The following TSC22D2 variants were observed in gnomAD, a reference collection of about 807,000 sequenced individuals.
The protein encoded by TSC22D2 is TSC22 domain family protein 2.
Under a neutral mutation model 50.1 loss-of-function variants are expected in TSC22D2, and 5 were observed. The observed-to-expected ratio is 0.10, with a 90% CI of 0.05 to 0.21. The LOEUF (loss-of-function observed/expected upper bound fraction) is 0.21, where lower values mean the gene tolerates loss of function less well. Ranked by LOEUF, TSC22D2 falls within the 10% of genes least tolerant of loss-of-function variation. The pLI is 1.00. For missense variants in TSC22D2, 1,003 were observed against 1,015.5 expected, an observed-to-expected ratio of 0.99 and a Z score of 0.17; for synonymous variants, 501 against 450.1, an observed-to-expected ratio of 1.11 and a Z score of -1.43.
In TSC22D2 at chr3:150,411,114, C is replaced by T. The variant is rs749578070; in HGVS notation, c.1764C>T (p.Val588=). Residue 588 remains valine, a synonymous_variant, in exon 1 of 3, where the codon GTC becomes GTT. Coordinates refer to ENST00000688009, the MANE Select transcript of TSC22D2 (RefSeq NM_001303264.2). The part of the protein sequence containing the change: ...SQFQTQTQPL[V]GQVDDTRRKS... ...TTCAAACTCAGACCCAGCCTTTAGT[C>T]GGGCAAGTCGACGATACTAGAAGAA... is the stretch of plus-strand genomic sequence containing the variant. The T allele has an allele frequency of 6.2e-7, 1 of 1,614,104 alleles. No individual in the cohort carries two copies. The highest frequency in any genetic ancestry group is 1.7e-5 in the Admixed American group (1 of 60,020).
At chr3:150,432,598 TAATA>T (rs1486294116) in intron 1 of TSC22D2, among the ~76,000 whole-genome samples, 4 of 151,298 alleles carry the variant, frequency 2.6e-5, no homozygotes, top group African/African-American at 9.7e-5. Context: ...AAAAAAAAAA[TAATA>T]AATAACTGAA....
At position 150,461,046 on chromosome 3, in the gene TSC22D2, A is replaced by G. The variant is rs947492073; in HGVS notation, c.*2410A>G. 3.3e-5 allele frequency: 5 copies of G among 152,324 alleles called. No homozygotes were observed. Among genetic ancestry groups the G allele is most frequent in the East Asian group, 3.9e-4 (2 of 5,190 alleles). The allele number at this position is 152,324 out of a possible 1,614,324, so 9.4% of individuals were successfully genotyped here. A position where few individuals can be genotyped will look rare whatever the true frequency, so the allele number is the denominator to read the frequency against. On this transcript the variant is annotated 3_prime_UTR_variant, in exon 3 of 3. Coordinates refer to ENST00000688009, the MANE Select transcript of TSC22D2 (RefSeq NM_001303264.2). Reference sequence around the variant, plus strand: ...AAATTAATGTTTTTGGCGAATTGTAATAAGTGTCCTAAGTAGCAGGACTTA... The same window carrying G: ...AAATTAATGTTTTTGGCGAATTGTAGTAAGTGTCCTAAGTAGCAGGACTTA...
chr3:150,409,858 G>T lies in TSC22D2; in HGVS notation c.508G>T (p.Gly170Trp), dbSNP rs200087702. The change falls in exon 1 of 3, where the codon GGG becomes TGG. Residue 170 changes from glycine to tryptophan, a missense_variant. Transcript: ENST00000688009. This position sits in a 1 kb window ranked among gnomAD's most constrained non-coding sequence, Gnocchi z 7.4. ...SRFRVIKLDH[G>W]SGEPYRRGRW... ...TTTTCGCGTGATCAAGCTGGACCAC[G>T]GGAGCGGAGAGCCCTATAGACGCGG... 274 of 1,610,582 alleles carry T rather than the reference G, an allele frequency of 1.7e-4. 1 individual carries two copies. The highest frequency in any genetic ancestry group is 8.2e-4 in the Middle Eastern group (5 of 6,062).
chr3:150,431,305 TC>T (rs1204673946), intron 1 of TSC22D2, among the ~76,000 whole-genome samples: 1 of 151,616 alleles, frequency 6.6e-6, no homozygotes, highest in Non-Finnish European at 1.5e-5. Flanking sequence ...AGCTTATGTT[TC>T]CTAAGAAGAT....
intron 1 of TSC22D2, among the ~76,000 whole-genome samples, chr3:150,451,118 A>G (rs1174724354): frequency 6.6e-6 from 1 of 151,880 alleles, no homozygotes; most frequent in Admixed American, 6.6e-5. Flanking sequence ...AGGAGTTTGT[A>G]TTACAAAAGA....
At position 150,466,138 on chromosome 3, in the gene TSC22D2, A is replaced by G. The variant is rs962837606; in HGVS notation, c.*7502A>G. 3.1e-4 allele frequency: 47 copies of G among 152,064 alleles called. No homozygotes were observed. Among genetic ancestry groups the G allele is most frequent in the African/African-American group, 1.1e-3 (47 of 41,388 alleles). 9.4% of individuals were successfully genotyped at this position (152,064 alleles called of 1,614,324 possible). ...AGACAATGTTAAAAGTTTGGGGGAA[A>G]AATTGAAAGACAATACCTGTAATAC... On this transcript the variant is annotated 3_prime_UTR_variant, in exon 3 of 3. Coordinates refer to ENST00000688009, the MANE Select transcript of TSC22D2 (RefSeq NM_001303264.2).
chr3:150,441,497 T>A (rs1309375654), intron 1 of TSC22D2, among the ~76,000 whole-genome samples: 1 of 152,126 alleles, frequency 6.6e-6, no homozygotes, highest in East Asian at 1.9e-4. Context: ...TGGTGGCTCA[T>A]GTCTATAATC....
At chr3:150,421,575 T>G (rs1720010379) in intron 1 of TSC22D2, among the ~76,000 whole-genome samples, 1 of 152,138 alleles carries the variant, frequency 6.6e-6, no homozygotes, top group South Asian at 2.1e-4. Context: ...GAAAAAGGAT[T>G]AAAAGAATAG....
chr3:150,447,594 C>G (rs1012661502), intron 1 of TSC22D2, among the ~76,000 whole-genome samples: 8 of 152,058 alleles, frequency 5.3e-5, no homozygotes, highest in African/African-American at 1.9e-4. Context: ...CTCCCCACCC[C>G]ACTTCATCCC....
chr3:150,451,961 A>G (rs1721053472), intron 1 of TSC22D2, among the ~76,000 whole-genome samples: 1 of 152,090 alleles, frequency 6.6e-6, no homozygotes, highest in South Asian at 2.1e-4. Context: ...GGGCTCAAGC[A>G]GTCTTCCCAC....
At chr3:150,451,220 G>A (rs1419365141) in intron 1 of TSC22D2, among the ~76,000 whole-genome samples, 1 of 152,078 alleles carries the variant, frequency 6.6e-6, no homozygotes, top group Non-Finnish European at 1.5e-5. Flanking sequence ...AGTAAAGCAA[G>A]GCATTTATTT....
At chr3:150,445,159 TC>T (rs1720838337) in intron 1 of TSC22D2, among the ~76,000 whole-genome samples, 1 of 151,708 alleles carries the variant, frequency 6.6e-6, no homozygotes, top group African/African-American at 2.4e-5. Flanking sequence ...CCAAAGAAGA[TC>T]CGTAAGAATG....
intron 1 of TSC22D2, among the ~76,000 whole-genome samples, chr3:150,433,420 C>A (rs1377348070): frequency 6.6e-6 from 1 of 152,140 alleles, no homozygotes; most frequent in Non-Finnish European, 1.5e-5. Context: ...TATTTTCTAC[C>A]AATAGCAAGA....
chr3:150,419,930 A>G (rs1719950431), intron 1 of TSC22D2, among the ~76,000 whole-genome samples: 1 of 152,198 alleles, frequency 6.6e-6, no homozygotes, highest in Non-Finnish European at 1.5e-5. Flanking sequence ...GTTTATATTA[A>G]TATCAAATAA....
At chr3:150,434,794 G>A (rs1720484222) in intron 1 of TSC22D2, among the ~76,000 whole-genome samples, 1 of 151,890 alleles carries the variant, frequency 6.6e-6, no homozygotes, top group Admixed American at 6.6e-5. Context: ...TTATATATGT[G>A]TATATACATG....
At chr3:150,424,247 T>G (rs1056106830) in intron 1 of TSC22D2, among the ~76,000 whole-genome samples, 11 of 152,210 alleles carry the variant, frequency 7.2e-5, no homozygotes, top group African/African-American at 2.7e-4. Flanking sequence ...AATTAATACA[T>G]AAATGTAAAT....
chr3:150,462,748 C>T lies in TSC22D2; in HGVS notation c.*4112C>T. 1 of 151,956 alleles carries T rather than the reference C, an allele frequency of 6.6e-6. No homozygotes were observed. The highest frequency in any genetic ancestry group is 1.5e-5 in the Non-Finnish European group (1 of 68,484). The allele number at this position is 151,956 out of a possible 1,614,324, so 9.4% of individuals were successfully genotyped here. ...TCCCAGGTTCAAGCGATTCTCCTGC[C>T]TCAGCCTCCTGAGTAGCTGGGATTA... On this transcript the variant is annotated 3_prime_UTR_variant, in exon 3 of 3. Transcript: ENST00000688009.
chr3:150,445,753 A>G (rs1720865921), intron 1 of TSC22D2, among the ~76,000 whole-genome samples: 1 of 152,126 alleles, frequency 6.6e-6, no homozygotes, highest in South Asian at 2.1e-4. Flanking sequence ...AGTTGAGGAA[A>G]CTAGTTTCAG....
intron 1 of TSC22D2, among the ~76,000 whole-genome samples, chr3:150,447,693 T>C (rs1720928822): frequency 6.6e-6 from 1 of 152,156 alleles, no homozygotes; most frequent in African/African-American, 2.4e-5. Flanking sequence ...AGCATTTTCT[T>C]TGTCACAGAT....
Sources: gnomAD v4.1 joint callset for allele counts (sites outside exome capture counted in the v4.1 genomes callset) on GRCh38, gnomAD v4.1.1 for gene constraint, Gnocchi (gnomAD v3.1) non-coding constraint, MANE v1.5 for transcripts, NCBI Gene and HGNC (gene_info 2026-07-23, HGNC 2026-07-21) for gene names.